SASH1: variants seen among roughly 807,000 people sequenced by gnomAD.
SASH1 encodes the protein SAM and SH3 domain-containing protein 1.
A neutral mutation model predicts 125.2 loss-of-function variants in SASH1; 44 were observed. The ratio of observed to expected loss-of-function variants is 0.35; its 90% CI spans 0.28 to 0.45. The LOEUF (loss-of-function observed/expected upper bound fraction) is 0.45, where lower values mean the gene tolerates loss of function less well. Ranked by LOEUF, SASH1 falls within the 20% of genes least tolerant of loss-of-function variation. SASH1 has a pLI of 1.00. For missense variants in SASH1, 1,426 were observed against 1,614.5 expected, an observed-to-expected ratio of 0.88 and a Z score of 2.00; for synonymous variants, 639 against 649.1, an observed-to-expected ratio of 0.98 and a Z score of 0.24.
rs56342457 is a variant in SASH1, at chr6:148,411,166, CAAAAAAAAAAAAAAAA to C, written c.285+20919_285+20934del. On this transcript the variant is annotated intron_variant, in intron 2 of 19. Transcript: ENST00000367467. ...TACAACAAGAGCGAAACTCCATCTC[CAAAAAAAAAAAAAAAA>C]AAAAAAAAAAAAAAGGCCTTCCAGG... Among the ~76,000 whole-genome samples, 11 of 46,174 alleles carry C rather than the reference CAAAAAAAAAAAAAAAA, an allele frequency of 2.4e-4. No homozygotes were observed. In the Admixed American group the frequency reaches 3.2e-3, roughly 13 times the overall value. The allele number at this position is 46,174 out of a possible 152,430, so 30.3% of individuals were successfully genotyped here.
intron 4 of SASH1, among the ~76,000 whole-genome samples, chr6:148,467,876 G>T (rs1777920195): frequency 6.6e-6 from 1 of 152,178 alleles, no homozygotes; most frequent in Admixed American, 6.5e-5. Flanking sequence ...GGCGGAGGTT[G>T]CAGTGAGCCA....
chr6:148,219,460 G>T, the SASH1 span, among the ~76,000 whole-genome samples: 2 of 152,236 alleles, frequency 1.3e-5, no homozygotes, highest in African/African-American at 4.8e-5. Context: ...ACGCTATGAT[G>T]ATTCCCACTC....
intron 11 of SASH1, 67 bp downstream of exon 11, chr6:148,525,432 TG>T: frequency 8.3e-7 from 1 of 1,206,718 alleles, no homozygotes; most frequent in Non-Finnish European, 1.2e-6. Context: ...AGTTCACCAT[TG>T]AGTATCTTTG....
Position 148,519,854 on chromosome 6 carries a change from G to A in SASH1, c.1170G>A (p.Glu390=). ...AGAAAGTGTCCCGCTCCCTCACCGA[G>A]GGGGAGATGAAGAAGGGTCTCGGGT... ...KAQKVSRSLT[E]GEMKKGLGSL... The change falls in exon 10 of 20, where the codon GAG becomes GAA. Residue 390 remains glutamate, a synonymous_variant. Coordinates refer to ENST00000367467, the MANE Select transcript of SASH1 (RefSeq NM_015278.5). The surrounding 1 kb of genome is among the most constrained non-coding windows in gnomAD (Gnocchi z 4.8). 6.2e-7 allele frequency: 1 copy of A among 1,601,270 alleles called. No homozygotes were observed. Among genetic ancestry groups the A allele is most frequent in the Middle Eastern group, 1.8e-4 (1 of 5,490 alleles).
At chr6:148,231,018 G>A in the SASH1 span, among the ~76,000 whole-genome samples, 2 of 152,026 alleles carry the variant, frequency 1.3e-5, no homozygotes, top group Admixed American at 6.6e-5. Context: ...TTTGTTGCTT[G>A]TGTTTTGGTG....
intron 4 of SASH1, among the ~76,000 whole-genome samples, chr6:148,457,949 C>T (rs532480901): frequency 6.6e-6 from 1 of 152,288 alleles, no homozygotes; most frequent in African/African-American, 2.4e-5. Flanking sequence ...GTAACCGCCC[C>T]CATGATTAAA....
At chr6:148,343,378 T>C (rs1781408993) in intron 1 of SASH1, among the ~76,000 whole-genome samples, 155 bp downstream of exon 1, 1 of 152,162 alleles carries the variant, frequency 6.6e-6, no homozygotes, top group Admixed American at 6.6e-5. Flanking sequence ...ACACACAGTA[T>C]AGGATTTCAA....
At chr6:148,438,209 T>A (rs746145764) in intron 2 of SASH1, among the ~76,000 whole-genome samples, 2 of 152,208 alleles carry the variant, frequency 1.3e-5, no homozygotes, top group Non-Finnish European at 2.9e-5. Flanking sequence ...TACCAACTCC[T>A]GAATAGGAAG....
chr6:148,266,778 A>AT, the SASH1 span, among the ~76,000 whole-genome samples: 9,174 of 141,952 alleles, frequency 0.065, 329 homozygotes, highest in African/African-American at 0.097. Flanking sequence ...TTTTTTTTTA[A>AT]TTTTTTTTTT....
At position 148,550,245 on chromosome 6, in the gene SASH1, C is replaced by G. The variant is rs1782812301; in HGVS notation, c.*1687C>G. ...TTATCATGAACACTATTTTAAGCAT[C>G]AAATGCAATCATCTAAAATATAAAG... On this transcript the variant is annotated 3_prime_UTR_variant, in exon 20 of 20. Transcript: ENST00000367467. 6.6e-6 allele frequency: 1 copy of G among 152,194 alleles called. No individual in the cohort carries two copies. Among genetic ancestry groups the G allele is most frequent in the Admixed American group, 6.5e-5 (1 of 15,276 alleles). The allele number at this position is 152,194 out of a possible 1,614,324, so 9.4% of individuals were successfully genotyped here.
the SASH1 span, among the ~76,000 whole-genome samples, chr6:148,253,016 G>A: frequency 1.8e-4 from 27 of 152,312 alleles, no homozygotes; most frequent in East Asian, 5.0e-3. Flanking sequence ...CTCGGCACAC[G>A]TGCAAGCCAC....
chr6:148,383,023 A>G (rs1401026727), intron 1 of SASH1, among the ~76,000 whole-genome samples: 2 of 152,228 alleles, frequency 1.3e-5, no homozygotes, highest in Non-Finnish European at 2.9e-5. Context: ...TACCTCAGAA[A>G]AGTATTTGAG....
Position 148,550,544 on chromosome 6 carries a change from T to C in SASH1, c.*1986T>C, listed in dbSNP as rs1782826401. 1 of 152,244 alleles carries C rather than the reference T, an allele frequency of 6.6e-6. No homozygotes were observed. Among genetic ancestry groups the C allele is most frequent in the Admixed American group, 6.5e-5 (1 of 15,290 alleles). 9.4% of individuals were successfully genotyped at this position (152,244 alleles called of 1,614,324 possible). A position where few individuals can be genotyped will look rare whatever the true frequency, so the allele number is the denominator to read the frequency against. ...TTTAATAATTAATTTTCATCTTCTA[T>C]AAGATGCCATGTGAAGAAGTTGTGG... On this transcript the variant is annotated 3_prime_UTR_variant, in exon 20 of 20. Coordinates refer to ENST00000367467, the MANE Select transcript of SASH1 (RefSeq NM_015278.5).
chr6:148,524,148 A>G (rs1488504702), intron 10 of SASH1, among the ~76,000 whole-genome samples: 2 of 138,292 alleles, frequency 1.4e-5, no homozygotes, highest in Non-Finnish European at 3.1e-5. Flanking sequence ...AGCAATGCTT[A>G]TAGTATATTA....
chr6:148,193,761 C>G, the SASH1 span, among the ~76,000 whole-genome samples: 1 of 152,144 alleles, frequency 6.6e-6, no homozygotes, highest in Admixed American at 6.5e-5. Flanking sequence ...GTGAAACGTG[C>G]CTTCTACATA....
chr6:148,200,041 A>C, the SASH1 span, among the ~76,000 whole-genome samples: 1 of 152,182 alleles, frequency 6.6e-6, no homozygotes, highest in African/African-American at 2.4e-5. Flanking sequence ...ATTGTATTTT[A>C]AGTGATTGCA....
At chr6:148,287,277 C>T (rs958536872) in intron 1 of SASH1, among the ~76,000 whole-genome samples, 1 of 152,156 alleles carries the variant, frequency 6.6e-6, no homozygotes, top group Non-Finnish European at 1.5e-5. Flanking sequence ...CAGTATTCAG[C>T]GTCCTCTGGG....
the SASH1 span, among the ~76,000 whole-genome samples, chr6:148,261,135 C>T: frequency 1.3e-5 from 2 of 152,048 alleles, no homozygotes; most frequent in Non-Finnish European, 2.9e-5. Context: ...ATATATTGTC[C>T]AAATTTTCTA....
intron 4 of SASH1, among the ~76,000 whole-genome samples, chr6:148,461,229 A>G (rs542177213): frequency 9.2e-5 from 14 of 152,262 alleles, no homozygotes; most frequent in African/African-American, 3.1e-4. Context: ...TGACTCCTGA[A>G]TGTGTGTGCT....
Sources: allele counts gnomAD v4.1 joint callset (sites outside exome capture counted in the v4.1 genomes callset), GRCh38; gene constraint gnomAD v4.1.1; non-coding constraint Gnocchi (gnomAD v3.1); transcripts MANE v1.5; gene names NCBI Gene and HGNC (gene_info 2026-07-23, HGNC 2026-07-21).